Variants in BLZF1 observed in about 807,000 individuals in gnomAD.
The protein encoded by BLZF1 is basic leucine zipper nuclear factor 1.
A neutral mutation model predicts 43.8 loss-of-function variants in BLZF1; 39 were observed. That is an observed-to-expected ratio of 0.89 (90% CI 0.69 to 1.16). BLZF1 has a LOEUF of 1.16. Ranked by LOEUF, BLZF1 falls within the 50% of genes most tolerant of loss-of-function variation. The pLI, the probability that BLZF1 is intolerant of heterozygous loss-of-function variation, is 0.00. For synonymous variants in BLZF1, 136 were observed against 159.4 expected (o/e 0.85, Z 1.11); for missense variants, 449 against 469.8 (o/e 0.96, Z 0.41).
intron 2 of BLZF1, among the ~76,000 whole-genome samples, chr1:169,375,947 T>C (rs1484765468): frequency 6.6e-6 from 1 of 152,048 alleles, no homozygotes; most frequent in South Asian, 2.1e-4. Flanking sequence ...TAAGGATGTT[T>C]AATCTGACAA....
chr1:169,394,246 T>A (rs1340021898), intron 7 of BLZF1, among the ~76,000 whole-genome samples: 1 of 152,234 alleles, frequency 6.6e-6, no homozygotes, highest in African/African-American at 2.4e-5. Context: ...CATTTTAAAA[T>A]GTTTTAAGCT....
intron 7 of BLZF1, chr1:169,395,326 G>T: frequency 3.5e-6 from 3 of 865,596 alleles, no homozygotes; most frequent in Non-Finnish European, 4.8e-6. Flanking sequence ...TACTGTCACA[G>T]CACAAATTTT....
intron 7 of BLZF1, among the ~76,000 whole-genome samples, chr1:169,393,937 C>G (rs1184215741): frequency 3.3e-5 from 5 of 152,200 alleles, no homozygotes; most frequent in African/African-American, 4.8e-5. Context: ...AGAATGCTTA[C>G]AGTGACTGTC....
chr1:169,374,991 C>T (rs896389855), intron 2 of BLZF1, among the ~76,000 whole-genome samples: 7 of 151,930 alleles, frequency 4.6e-5, no homozygotes, highest in African/African-American at 1.7e-4. Context: ...TCCACAGATA[C>T]ACTGGTAGAG....
chr1:169,377,764 T>C (rs1308935139), intron 3 of BLZF1, among the ~76,000 whole-genome samples: 1 of 152,046 alleles, frequency 6.6e-6, no homozygotes, highest in African/African-American at 2.4e-5. Flanking sequence ...TGTCACAGAA[T>C]ATTCTATTAC....
chr1:169,390,702 A>T (rs140840928), downstream of BLZF1, among the ~76,000 whole-genome samples: 21 of 152,134 alleles, frequency 1.4e-4, no homozygotes, highest in Middle Eastern at 3.4e-3. Flanking sequence ...CTTAAAAAAA[A>T]TTTTTTTTCC....
chr1:169,389,504 C>T (rs1363126816), downstream of BLZF1, among the ~76,000 whole-genome samples: 2 of 152,222 alleles, frequency 1.3e-5, no homozygotes, highest in Non-Finnish European at 1.5e-5. Context: ...AATTGGAACC[C>T]CTATGCATTG....
intron 2 of BLZF1, among the ~76,000 whole-genome samples, chr1:169,374,980 A>G (rs753756274): frequency 6.0e-4 from 91 of 152,176 alleles, no homozygotes; most frequent in Non-Finnish European, 1.0e-3. Flanking sequence ...TTAGGCATAG[A>G]TCCACAGATA....
At position 169,380,509 on chromosome 1, in the gene BLZF1, A is replaced by G; in HGVS notation, c.697A>G (p.Arg233Gly). 1 of 1,612,522 alleles carries G rather than the reference A, an allele frequency of 6.2e-7. No homozygotes were observed. Among genetic ancestry groups the G allele is most frequent in the South Asian group, 1.1e-5 (1 of 91,000 alleles). ...AATGGCAGATGAGTTAACCAACTCA[A>G]GAGCAGCTTTACAGCGTCAAAACCG... ...RVMADELTNS[R>G]AALQRQNRDA... is the part of the protein sequence containing the mutation. Residue 233 changes from arginine (R) to glycine (G), a missense_variant, in exon 5 of 7, where the codon AGA (arginine) becomes GGA (glycine). Physicochemically the swap from Arg to Gly is moderately radical, Grantham distance 125 (BLOSUM62 -2). Coordinates refer to ENST00000367808, the MANE Select transcript of BLZF1 (RefSeq NM_001320973.2).
intron 7 of BLZF1, among the ~76,000 whole-genome samples, chr1:169,394,028 T>C (rs977861349): frequency 1.8e-4 from 28 of 152,224 alleles, no homozygotes; most frequent in African/African-American, 6.5e-4. Context: ...ACTATTCCTC[T>C]ACACACTGGA....
intron 2 of BLZF1, among the ~76,000 whole-genome samples, chr1:169,373,757 G>T (rs999319716): frequency 2.6e-5 from 4 of 152,054 alleles, no homozygotes; most frequent in African/African-American, 9.7e-5. Flanking sequence ...CCTATTAATG[G>T]TTCTTTGCCT....
At chr1:169,370,433 A>T (rs984710801) in intron 2 of BLZF1, among the ~76,000 whole-genome samples, 5 of 152,180 alleles carry the variant, frequency 3.3e-5, no homozygotes, top group African/African-American at 1.2e-4. Context: ...ACTGTTGACC[A>T]TTCCCTGCCT....
At chr1:169,377,270 T>A (rs574660936) in intron 3 of BLZF1, 4 of 378,566 alleles carry the variant, frequency 1.1e-5, no homozygotes, top group South Asian at 1.3e-4. Context: ...GACCAAAGAT[T>A]GACCAAGTCA....
intron 6 of BLZF1, among the ~76,000 whole-genome samples, chr1:169,382,924 C>G (rs1654567733): frequency 6.6e-6 from 1 of 152,202 alleles, no homozygotes; most frequent in African/African-American, 2.4e-5. Flanking sequence ...CATTCTGACT[C>G]CCTGGATGTG....
At chr1:169,372,803 A>C (rs17345531) in intron 2 of BLZF1, among the ~76,000 whole-genome samples, 12,804 of 152,102 alleles carry the variant, frequency 0.084, 730 homozygotes, top group Admixed American at 0.19. Flanking sequence ...ACAGACAATA[A>C]ATTTTTTTTT....
intron 4 of BLZF1, among the ~76,000 whole-genome samples, chr1:169,379,974 C>G (rs1485349759): frequency 6.6e-6 from 1 of 151,662 alleles, no homozygotes; most frequent in Non-Finnish European, 1.5e-5. Context: ...TTGAAATATA[C>G]ATAAATTTTT....
chr1:169,380,676 G>T (rs56859218), intron 5 of BLZF1, 67 bp downstream of exon 5: 184,337 of 1,572,504 alleles, frequency 0.12, 11,259 homozygotes, highest in Admixed American at 0.18. Flanking sequence ...TGTAGTTTTG[G>T]TTTTTTTGTT....
At chr1:169,377,182 A>C (rs1422747097) in intron 3 of BLZF1, 6 of 541,086 alleles carry the variant, frequency 1.1e-5, no homozygotes, top group East Asian at 3.1e-5. Flanking sequence ...TCTAAACCTC[A>C]TTGAAGATGG....
chr1:169,369,351 C>T (rs1278350182), intron 1 of BLZF1, 122 bp from the exon 2 acceptor site: 4 of 496,904 alleles, frequency 8.0e-6, no homozygotes, highest in African/African-American at 8.0e-5. Context: ...AGGGACATTT[C>T]TCTTTCTAAA....
Sources: gnomAD v4.1 joint callset for allele counts (sites outside exome capture counted in the v4.1 genomes callset) on GRCh38, gnomAD v4.1.1 for gene constraint, MANE v1.5 for transcripts, NCBI Gene and HGNC (gene_info 2026-07-23, HGNC 2026-07-21) for gene names.